The following KCNIP4 variants were observed in gnomAD, a reference collection of about 807,000 sequenced individuals.
The protein encoded by KCNIP4 is potassium voltage-gated channel interacting protein 4, also known as Kv channel-interacting protein 4.
Under a neutral mutation model 34.0 loss-of-function variants are expected in KCNIP4, and 12 were observed. The ratio of observed to expected loss-of-function variants is 0.35; its 90% confidence interval spans 0.23 to 0.57. KCNIP4 has a LOEUF of 0.57. KCNIP4 is among the 20% of genes least tolerant of loss of function. The pLI, the probability that KCNIP4 is intolerant of heterozygous loss-of-function variation, is 0.83. For synonymous variants in KCNIP4, 124 were observed against 102.2 expected, an observed-to-expected ratio of 1.21 and a Z score of -1.29; for missense variants, 238 against 311.7, an observed-to-expected ratio of 0.76 and a Z score of 1.78.
intron 1 of KCNIP4, among the ~76,000 whole-genome samples, chr4:21,899,861 T>A (rs769278389): frequency 2.6e-5 from 4 of 152,110 alleles, no homozygotes; most frequent in Non-Finnish European, 5.9e-5. Context: ...ATGTCTATAC[T>A]ACATAAGCAA....
At position 20,730,023 on chromosome 4, in the gene KCNIP4, C is replaced by A; in HGVS notation, c.*59G>T. The stretch of plus-strand genomic sequence containing the variant: ...TCTATGCTAAAAGTGGTAGCTCCAA[C>A]TTTAAGGGTGGTAGAATAGTTCACA... On this transcript the variant is annotated 3_prime_UTR_variant, in exon 9 of 9. Transcript: ENST00000382152. The A allele has an allele frequency of 6.4e-7, 1 of 1,552,258 alleles. No individual in the cohort carries two copies. Among genetic ancestry groups the A allele is most frequent in the Non-Finnish European group, 8.7e-7 (1 of 1,152,204 alleles).
chr4:21,568,524 G>A (rs1263453556), intron 1 of KCNIP4, among the ~76,000 whole-genome samples: 1 of 152,114 alleles, frequency 6.6e-6, no homozygotes, highest in African/African-American at 2.4e-5. Flanking sequence ...CAATCTGGGT[G>A]GGCACCATCT....
chr4:21,036,895 C>T (rs1741497778), intron 1 of KCNIP4, among the ~76,000 whole-genome samples: 1 of 152,158 alleles, frequency 6.6e-6, no homozygotes, highest in Non-Finnish European at 1.5e-5. Context: ...ACCTTAGTGA[C>T]ATTGTAGACC....
intron 1 of KCNIP4, among the ~76,000 whole-genome samples, chr4:21,908,006 CT>C (rs1728094418): frequency 6.6e-6 from 1 of 152,066 alleles, no homozygotes; most frequent in Admixed American, 6.6e-5. Context: ...CTTGTGCAAA[CT>C]TTTTTTGTTC....
intron 2 of KCNIP4, among the ~76,000 whole-genome samples, chr4:20,864,168 GTA>G (rs1433413262): frequency 1.8e-4 from 13 of 71,312 alleles, no homozygotes; most frequent in African/African-American, 4.2e-4. Context: ...ACACATGTAT[GTA>G]TACACATGTA....
chr4:21,457,498 A>G (rs1729054595), intron 1 of KCNIP4, among the ~76,000 whole-genome samples: 1 of 152,002 alleles, frequency 6.6e-6, no homozygotes. Context: ...GAGCTTCTCC[A>G]TCCATAAAAC....
chr4:21,806,686 A>AT (rs1244210760), intron 1 of KCNIP4, among the ~76,000 whole-genome samples: 4 of 152,172 alleles, frequency 2.6e-5, no homozygotes, highest in Admixed American at 6.5e-5. Flanking sequence ...ACAAGTAATT[A>AT]TTTTTTTAAA....
At chr4:21,332,410 C>T (rs1012630242) in intron 1 of KCNIP4, among the ~76,000 whole-genome samples, 8 of 151,900 alleles carry the variant, frequency 5.3e-5, no homozygotes, top group African/African-American at 1.9e-4. Context: ...GTCTCTTATC[C>T]ATCTCAATGG....
intron 1 of KCNIP4, among the ~76,000 whole-genome samples, chr4:21,157,553 G>C (rs747286485): frequency 1.0e-3 from 159 of 152,154 alleles, no homozygotes; most frequent in Non-Finnish European, 1.7e-3. Flanking sequence ...TGGAATGAAT[G>C]AGATGAGCCC....
At chr4:21,090,990 T>C (rs1331496625) in intron 1 of KCNIP4, among the ~76,000 whole-genome samples, 1 of 152,182 alleles carries the variant, frequency 6.6e-6, no homozygotes, top group Non-Finnish European at 1.5e-5. Context: ...TGAAATTGTG[T>C]TAGGAATGTT....
intron 1 of KCNIP4, among the ~76,000 whole-genome samples, chr4:21,598,151 A>C (rs1261216384): frequency 2.0e-5 from 3 of 152,136 alleles, no homozygotes; most frequent in African/African-American, 7.2e-5. Flanking sequence ...ACTGTGTTTT[A>C]TGCATAAACA....
intron 1 of KCNIP4, among the ~76,000 whole-genome samples, chr4:21,227,243 G>A (rs1344439684): frequency 6.6e-6 from 1 of 152,160 alleles, no homozygotes; most frequent in Non-Finnish European, 1.5e-5. Context: ...TGAGAGCAGA[G>A]TTTTGTTGGG....
intron 1 of KCNIP4, among the ~76,000 whole-genome samples, chr4:21,328,047 T>C (rs1422413717): frequency 6.6e-6 from 1 of 152,172 alleles, no homozygotes; most frequent in African/African-American, 2.4e-5. Flanking sequence ...CTTTCCAGGA[T>C]TGGTAACTGG....
chr4:21,326,899 A>G (rs1420155209), intron 1 of KCNIP4, among the ~76,000 whole-genome samples: 1 of 152,028 alleles, frequency 6.6e-6, no homozygotes, highest in African/African-American at 2.4e-5. Flanking sequence ...CTGATTGCAT[A>G]AGCAAACAAA....
chr4:21,771,344 C>T (rs1268973539), intron 1 of KCNIP4, among the ~76,000 whole-genome samples: 1 of 152,056 alleles, frequency 6.6e-6, no homozygotes, highest in African/African-American at 2.4e-5. Flanking sequence ...GTTACTGTAG[C>T]CTTGTAGTAT....
chr4:20,840,297 A>G (rs893600724), intron 3 of KCNIP4, among the ~76,000 whole-genome samples: 2 of 152,154 alleles, frequency 1.3e-5, no homozygotes, highest in Admixed American at 1.3e-4. Flanking sequence ...AATAAATCAT[A>G]AATGTGTGAT....
intron 1 of KCNIP4, among the ~76,000 whole-genome samples, chr4:21,823,098 A>G (rs1192088131): frequency 6.6e-6 from 1 of 152,126 alleles, no homozygotes; most frequent in African/African-American, 2.4e-5. Context: ...TAGATACAGC[A>G]TGCATATCTC....
intron 3 of KCNIP4, among the ~76,000 whole-genome samples, chr4:20,780,627 A>G (rs1207927222): frequency 6.6e-6 from 1 of 152,218 alleles, no homozygotes; most frequent in Non-Finnish European, 1.5e-5. Context: ...CCACAGGGCT[A>G]GGTCAAATGA....
intron 4 of KCNIP4, among the ~76,000 whole-genome samples, chr4:20,750,256 G>C (rs769547612): frequency 1.2e-4 from 19 of 152,176 alleles, no homozygotes; most frequent in Non-Finnish European, 1.9e-4. Flanking sequence ...GTAAATCTGG[G>C]ACATGAACTT....
Sources: gnomAD v4.1 joint callset for allele counts (sites outside exome capture counted in the v4.1 genomes callset) on GRCh38, gnomAD v4.1.1 for gene constraint, MANE v1.5 for transcripts, NCBI Gene and HGNC (gene_info 2026-07-23, HGNC 2026-07-21) for gene names.